FMN1: variants seen among roughly 807,000 people sequenced by gnomAD.
The protein encoded by FMN1 is formin-1.
FMN1 carries 110 observed loss-of-function variants against 132.4 expected under a neutral mutation model. The observed-to-expected ratio is 0.83, with a 90% CI of 0.71 to 0.97. FMN1 has a LOEUF of 0.97. Among genes scored for constraint, FMN1 ranks in the 50% least tolerant of loss-of-function variants. FMN1 has a pLI of 0.00. For synonymous variants in FMN1, 722 were observed against 651.7 expected (o/e 1.11, Z -1.64); for missense variants, 1,792 against 1,705.3 (o/e 1.05, Z -0.90).
chr15:32,796,810 A>C (rs1004988211), intron 19 of FMN1, among the ~76,000 whole-genome samples: 14 of 152,226 alleles, frequency 9.2e-5, no homozygotes, highest in Admixed American at 7.2e-4. Flanking sequence ...AATATTTCTT[A>C]ACACACAGAT....
chr15:33,099,268 G>A (rs1049161497), intron 4 of FMN1, among the ~76,000 whole-genome samples: 28 of 152,212 alleles, frequency 1.8e-4, no homozygotes, highest in African/African-American at 6.5e-4. Context: ...TTCAACCTGG[G>A]TGGCAGACTG....
intron 7 of FMN1, among the ~76,000 whole-genome samples, chr15:32,998,403 C>G (rs1038904202): frequency 2.0e-5 from 3 of 152,198 alleles, no homozygotes; most frequent in African/African-American, 7.2e-5. Flanking sequence ...GGGACAGATG[C>G]AGGGGCCCAC....
At chr15:32,961,156 G>A (rs2030492036) in intron 9 of FMN1, among the ~76,000 whole-genome samples, 1 of 149,434 alleles carries the variant, frequency 6.7e-6, no homozygotes, top group African/African-American at 2.5e-5. Context: ...TTTTTTAGAC[G>A]GAGTTTTGCT....
chr15:33,177,850 C>CA (rs57075325), intron 3 of FMN1, among the ~76,000 whole-genome samples: 10,455 of 151,636 alleles, frequency 0.069, 438 homozygotes, highest in East Asian at 0.12. Flanking sequence ...ATTAAAAATA[C>CA]AAAAAAAATT....
intron 4 of FMN1, among the ~76,000 whole-genome samples, chr15:33,145,978 T>A (rs1964201636): frequency 7.4e-6 from 1 of 134,462 alleles, no homozygotes; most frequent in Non-Finnish European, 1.5e-5. Context: ...TTACCATGAA[T>A]TTTTTTTTTT....
intron 4 of FMN1, among the ~76,000 whole-genome samples, chr15:33,111,433 G>T (rs1404757693): frequency 1.5e-4 from 23 of 152,034 alleles, no homozygotes; most frequent in Admixed American, 1.5e-3. Flanking sequence ...TCCTCAAAAG[G>T]TTAAATCAAG....
intron 19 of FMN1, among the ~76,000 whole-genome samples, chr15:32,783,744 CAAAAAAAAAAAAAAAAAAAAAA>C (rs533699379): frequency 3.1e-5 from 2 of 64,250 alleles, no homozygotes; most frequent in Non-Finnish European, 6.0e-5. Flanking sequence ...GACTCTGTTT[CAAAAAAAAAAAAAAAAAAAAAA>C]AAAAAAAAAA....
intron 6 of FMN1, among the ~76,000 whole-genome samples, chr15:33,030,269 G>A (rs2035874907): frequency 6.6e-6 from 1 of 152,220 alleles, no homozygotes; most frequent in African/African-American, 2.4e-5. Context: ...CTGGAAGTGA[G>A]GAGAGGCCGG....
intron 3 of FMN1, among the ~76,000 whole-genome samples, chr15:33,175,878 A>G (rs1965497263): frequency 6.6e-6 from 1 of 152,214 alleles, no homozygotes; most frequent in Non-Finnish European, 1.5e-5. Flanking sequence ...CTGAGGCTAC[A>G]ATGCCTCAAA....
intron 15 of FMN1, among the ~76,000 whole-genome samples, chr15:32,897,347 T>TTG (rs2060184651): frequency 1.3e-5 from 2 of 152,350 alleles, no homozygotes; most frequent in Admixed American, 1.3e-4. Context: ...AGGTCTGTAC[T>TTG]TGTCTGGTTA....
chr15:32,846,247 A>G (rs1013320922), intron 17 of FMN1, among the ~76,000 whole-genome samples: 2 of 152,240 alleles, frequency 1.3e-5, no homozygotes, highest in African/African-American at 2.4e-5. Context: ...TAATTAAACT[A>G]AACAGCTTCT....
At chr15:33,059,737 ATGAG>A (rs1156614656) in intron 6 of FMN1, among the ~76,000 whole-genome samples, 1 of 152,240 alleles carries the variant, frequency 6.6e-6, no homozygotes, top group African/African-American at 2.4e-5. Flanking sequence ...CATCTGTAAA[ATGAG>A]TAAGTTAAAC....
chr15:32,872,040 C>CT (rs11311528), intron 16 of FMN1, among the ~76,000 whole-genome samples: 185 of 140,846 alleles, frequency 1.3e-3, no homozygotes, highest in East Asian at 2.3e-3. Flanking sequence ...GAAAGTAGCT[C>CT]TTTTTTTTTT....
rs897804877 is a variant in FMN1 at position 33,078,603 on chromosome 15, T to C, written c.2043+10196A>G. ...ATTTAGAAATAATGATACTAATAAATTGGAATTGCTTAACTAAAATCTGTA... is the reference window on the plus strand; with the variant it reads ...ATTTAGAAATAATGATACTAATAAACTGGAATTGCTTAACTAAAATCTGTA... On this transcript the variant is annotated intron_variant, in intron 5 of 20. Coordinates refer to ENST00000616417, the MANE Select transcript of FMN1 (RefSeq NM_001277313.2). Among the ~76,000 whole-genome samples the C allele has an allele frequency of 5.9e-5, 9 of 151,590 alleles. No individual in the cohort carries two copies. The South Asian group carries it at 8.3e-4, about 14-fold the overall frequency.
chr15:32,841,002 TA>T (rs1344541284), intron 17 of FMN1, among the ~76,000 whole-genome samples: 1 of 152,174 alleles, frequency 6.6e-6, no homozygotes, highest in Non-Finnish European at 1.5e-5. Flanking sequence ...AAACAAAATT[TA>T]AAAACAAACA....
chr15:32,798,848 G>C lies in FMN1; in HGVS notation c.4086C>G (p.Phe1362Leu). ...FMVWYEFCSD[F>L]KTIWKRESKN... ...TACTCTCCCGTTTCCAAATTGTCTT[G>C]AAGTCACTGCAGAACTCATACCACA... The change falls in exon 19 of 21, where the codon TTC becomes TTG. Residue 1362 changes from phenylalanine to leucine, a missense_variant. Physicochemically the swap from Phe to Leu is conservative, Grantham distance 22. Transcript: ENST00000616417. The C allele has an allele frequency of 1.2e-6, 2 of 1,613,672 alleles. No individual in the cohort carries two copies. Among genetic ancestry groups the C allele is most frequent in the South Asian group, 2.2e-5 (2 of 90,978 alleles).
At chr15:33,056,632 T>C (rs948917515) in intron 6 of FMN1, among the ~76,000 whole-genome samples, 18 of 152,166 alleles carry the variant, frequency 1.2e-4, no homozygotes, top group Middle Eastern at 6.3e-3. Context: ...GAACTTAAAA[T>C]ACATAAAGAG....
intron 2 of FMN1, among the ~76,000 whole-genome samples, chr15:33,189,225 C>T (rs188379832): frequency 2.2e-3 from 333 of 152,184 alleles, no homozygotes; most frequent in African/African-American, 7.5e-3. Context: ...AGGGAAAGCC[C>T]GGCTAGTCTC....
intron 4 of FMN1, among the ~76,000 whole-genome samples, chr15:33,114,111 C>T (rs949816109): frequency 6.6e-6 from 1 of 152,220 alleles, no homozygotes; most frequent in Admixed American, 6.5e-5. Flanking sequence ...GCCCGGTTTC[C>T]CTCTGAGCCT....
Sources: allele counts gnomAD v4.1 joint callset (sites outside exome capture counted in the v4.1 genomes callset), GRCh38; gene constraint gnomAD v4.1.1; transcripts MANE v1.5; gene names NCBI Gene and HGNC (gene_info 2026-07-23, HGNC 2026-07-21).